ZNF232: variants seen among roughly 807,000 people sequenced by gnomAD.
The protein encoded by ZNF232 is zinc finger protein 232.
Under a neutral mutation model 25.2 loss-of-function variants are expected in ZNF232, and 25 were observed. The ratio of observed to expected loss-of-function variants is 0.99; its 90% CI spans 0.72 to 1.39. ZNF232 has a LOEUF of 1.39. ZNF232 is among the 40% of genes most tolerant of loss of function. ZNF232 has a pLI of 0.00. For synonymous variants in ZNF232, 193 were observed against 182.9 expected (o/e 1.06, Z -0.45); for missense variants, 519 against 520.9 (o/e 1.00, Z 0.04).
At chr17:5,111,545 C>T (rs1468062404) in intron 1 of ZNF232, 3 of 563,412 alleles carry the variant, frequency 5.3e-6, no homozygotes, top group African/African-American at 1.9e-5. Flanking sequence ...GGTACAACTC[C>T]CCTTCCCACC....
intron 2 of ZNF232, 52 bp from the exon 3 acceptor site, chr17:5,109,104 T>C (rs1273222541): frequency 5.6e-6 from 9 of 1,611,786 alleles, no homozygotes; most frequent in African/African-American, 1.3e-5. Flanking sequence ...ATTACTAGTG[T>C]GGTTTCTGTC....
At chr17:5,119,627 A>G (rs1342071306) in intron 1 of ZNF232, among the ~76,000 whole-genome samples, 1 of 152,180 alleles carries the variant, frequency 6.6e-6, no homozygotes. Flanking sequence ...CTCTTCCCAA[A>G]TAGACTTCAT....
chr17:5,109,458 T>G lies in ZNF232; in HGVS notation c.434A>C (p.Lys145Thr). ...CACAGTCACAGCCTCCTCTCCACTC[T>G]TAGGGTGATGTCCCCGCACCCAGGA... The change falls in exon 2 of 4, where the codon AAG (lysine) becomes ACG (threonine). Residue 145 changes from lysine (K) to threonine (T), a missense_variant. Physicochemically the swap from Lys to Thr is moderately conservative, Grantham distance 78. Coordinates refer to ENST00000575898, the Ensembl canonical transcript of ZNF232. The G allele has an allele frequency of 1.2e-6, 2 of 1,614,140 alleles. No homozygotes were observed. The highest frequency in any genetic ancestry group is 2.2e-5 in the East Asian group (1 of 44,886).
chr17:5,106,526 T>C, intron 3 of ZNF232: 1 of 1,607,212 alleles, frequency 6.2e-7, no homozygotes, highest in South Asian at 1.1e-5. Context: ...AATGTAAATA[T>C]ACCTGTTCTG....
intron 1 of ZNF232, among the ~76,000 whole-genome samples, chr17:5,117,430 C>A (rs1026360949): frequency 2.0e-5 from 3 of 151,188 alleles, no homozygotes; most frequent in African/African-American, 7.3e-5. Flanking sequence ...GCAGGAGAAT[C>A]ACTTGAACCC....
upstream of ZNF232, among the ~76,000 whole-genome samples, chr17:5,115,975 C>G (rs2143668144): frequency 6.6e-6 from 1 of 152,336 alleles, no homozygotes; most frequent in Non-Finnish European, 1.5e-5. Flanking sequence ...GAAAGGGCCT[C>G]AAAGCTGTAG....
chr17:5,106,192 T>C, exon 4 of ZNF232: 2 of 1,614,252 alleles, frequency 1.2e-6, no homozygotes, highest in Middle Eastern at 3.3e-4. Flanking sequence ...GAATGAACTC[T>C]CTGGTGGACA....
chr17:5,115,137 A>G (rs554663636), upstream of ZNF232: 1 of 140,434 alleles, frequency 7.1e-6, no homozygotes, highest in African/African-American at 2.6e-5. Flanking sequence ...GGAACGAGCC[A>G]GGAAGGCATC....
intron 2 of ZNF232, 166 bp from the exon 3 acceptor site, chr17:5,109,218 AGT>A: frequency 3.3e-6 from 4 of 1,228,046 alleles, no homozygotes; most frequent in Non-Finnish European, 3.5e-6. Context: ...GAGGAGCTAG[AGT>A]CTCTTTCTCA....
rs1478508398 is a variant in ZNF232 at position 5,106,394 on chromosome 17, T to C, written c.738A>G (p.Thr246=). The stretch of plus-strand genomic sequence containing the variant: ...AGGTACCCTCAGAGGTAGCTTCAAA[T>C]GTAGAGGTGTCAGTAGCAAGTTTTT... The change falls in exon 4 of 4, where the codon ACA becomes ACG. Residue 246 remains threonine, a synonymous_variant. Coordinates refer to ENST00000575898, the Ensembl canonical transcript of ZNF232. 4 of 1,614,222 alleles carry C rather than the reference T, an allele frequency of 2.5e-6. No homozygotes were observed. The South Asian group carries it at 4.4e-5, about 18-fold the overall frequency.
upstream of ZNF232, chr17:5,111,924 T>C (rs1217756554): frequency 4.0e-6 from 6 of 1,501,370 alleles, no homozygotes; most frequent in Middle Eastern, 1.7e-4. Context: ...AGAATCCTCC[T>C]CGCCGCCGGC....
At chr17:5,106,207 G>T in exon 4 of ZNF232, 1 of 1,614,224 alleles carries the variant, frequency 6.2e-7, no homozygotes, top group Non-Finnish European at 8.5e-7. Context: ...TGGACAACAA[G>T]ATGTGAGTTA....
chr17:5,108,888 C>A, intron 3 of ZNF232, 38 bp downstream of exon 3: 1 of 1,613,286 alleles, frequency 6.2e-7, no homozygotes, highest in South Asian at 1.1e-5. Flanking sequence ...TATAGTCCCT[C>A]TTTCTCCTCT....
exon 4 of ZNF232, chr17:5,106,106 T>A: frequency 1.2e-6 from 2 of 1,614,210 alleles, no homozygotes; most frequent in Non-Finnish European, 1.7e-6. Context: ...CTGTATGAAT[T>A]CTCTGATGCT....
upstream of ZNF232, among the ~76,000 whole-genome samples, chr17:5,116,142 C>G (rs1228763097): frequency 6.6e-6 from 1 of 152,266 alleles, no homozygotes; most frequent in Non-Finnish European, 1.5e-5. Flanking sequence ...TCACTCGACG[C>G]TACCTTGGCG....
upstream of ZNF232, chr17:5,113,216 G>A (rs2072459307): frequency 6.6e-6 from 1 of 152,174 alleles, no homozygotes; most frequent in South Asian, 2.1e-4. Context: ...TTCCTTCAAA[G>A]TGCCATTGAT....
Position 5,111,759 on chromosome 17 carries a change from G to A in ZNF232, c.23+41C>T, listed in dbSNP as rs1244299765. ...TGCCTGCGGGACGGGCAAAAGCCAA[G>A]CCGCCAGGTGGACCTCGGGGAAGCC... is the stretch of plus-strand genomic sequence containing the variant. On this transcript the variant is annotated intron_variant, in intron 1 of 3. Transcript: ENST00000575898. 5 of 1,613,314 alleles carry A rather than the reference G, an allele frequency of 3.1e-6. No individual in the cohort carries two copies. The African/African-American group carries it at 6.7e-5, about 22-fold the overall frequency.
rs776398955 is a variant in ZNF232 at position 5,109,876 on chromosome 17, A to G, written c.24-8T>C. 7.6e-6 allele frequency: 12 copies of G among 1,579,596 alleles called. No individual in the cohort carries two copies. Among genetic ancestry groups the G allele is most frequent in the Admixed American group, 5.8e-5 (3 of 52,146 alleles). ...GAATCTTGCAAGGGCCCCCTGTAAC[A>G]TAAGAAGAAATCATTCCTCTTTTTT... On this transcript the variant is annotated splice_polypyrimidine_tract_variant and splice_region_variant and intron_variant, in intron 1 of 3. Coordinates refer to ENST00000575898, the Ensembl canonical transcript of ZNF232.
chr17:5,117,507 C>A (rs2072563639), intron 1 of ZNF232, among the ~76,000 whole-genome samples: 1 of 147,800 alleles, frequency 6.8e-6, no homozygotes, highest in South Asian at 2.1e-4. Context: ...CAGAGCGAGA[C>A]TCCGTCTCAA....
Sources: allele counts gnomAD v4.1 joint callset (sites outside exome capture counted in the v4.1 genomes callset), GRCh38; gene constraint gnomAD v4.1.1; transcripts MANE v1.5; gene names NCBI Gene and HGNC (gene_info 2026-07-23, HGNC 2026-07-21).